SLC24A3: variants seen among roughly 807,000 people sequenced by gnomAD.
The protein encoded by SLC24A3 is solute carrier family 24 member 3.
Under a neutral mutation model 75.8 loss-of-function variants are expected in SLC24A3, and 28 were observed. The ratio of observed to expected loss-of-function variants is 0.37; its 90% CI spans 0.27 to 0.51. The LOEUF (loss-of-function observed/expected upper bound fraction) is 0.51, where lower values mean the gene tolerates loss of function less well. Ranked by LOEUF, SLC24A3 falls within the 20% of genes least tolerant of loss-of-function variation. The pLI is 0.94. For synonymous variants in SLC24A3, 372 were observed against 334.1 expected, an observed-to-expected ratio of 1.11 and a Z score of -1.24; for missense variants, 663 against 847.8, an observed-to-expected ratio of 0.78 and a Z score of 2.71.
chr20:19,376,369 G>A (rs1234431779), intron 2 of SLC24A3, among the ~76,000 whole-genome samples: 1 of 152,144 alleles, frequency 6.6e-6, no homozygotes, highest in Non-Finnish European at 1.5e-5. Flanking sequence ...TGGTTGTCCT[G>A]GTGAAGAACA....
At chr20:19,406,711 G>A (rs1416379239) in intron 2 of SLC24A3, among the ~76,000 whole-genome samples, 1 of 152,142 alleles carries the variant, frequency 6.6e-6, no homozygotes, top group African/African-American at 2.4e-5. Flanking sequence ...GGGACCTGGG[G>A]GTGCAGTAGA....
At chr20:19,602,177 A>G (rs1183832733) in intron 6 of SLC24A3, among the ~76,000 whole-genome samples, 2 of 152,016 alleles carry the variant, frequency 1.3e-5, no homozygotes, top group Admixed American at 6.5e-5. Flanking sequence ...TGTGTCTCAA[A>G]TAAATAAATA....
chr20:19,348,495 C>T (rs929163830), intron 2 of SLC24A3, among the ~76,000 whole-genome samples: 1 of 152,112 alleles, frequency 6.6e-6, no homozygotes, highest in Non-Finnish European at 1.5e-5. Flanking sequence ...CATATTCGGC[C>T]TCTCCCCCTA....
intron 2 of SLC24A3, among the ~76,000 whole-genome samples, chr20:19,340,531 A>C (rs1226291495): frequency 6.6e-6 from 1 of 152,206 alleles, no homozygotes; most frequent in African/African-American, 2.4e-5. Context: ...TGGTGTCGTG[A>C]TAAAAGGCGT....
intron 9 of SLC24A3, among the ~76,000 whole-genome samples, chr20:19,674,986 G>T (rs2032507423): frequency 6.6e-6 from 1 of 152,196 alleles, no homozygotes; most frequent in African/African-American, 2.4e-5. Flanking sequence ...GGAGGCAGAG[G>T]TTGCAATGAG....
chr20:19,675,825 G>A (rs1049586127), intron 9 of SLC24A3, among the ~76,000 whole-genome samples: 1 of 152,146 alleles, frequency 6.6e-6, no homozygotes, highest in African/African-American at 2.4e-5. Context: ...CCCATCTTAT[G>A]CCTCTTTGTC....
chr20:19,376,593 CAG>C (rs1424127147), intron 2 of SLC24A3, among the ~76,000 whole-genome samples: 1 of 152,004 alleles, frequency 6.6e-6, no homozygotes, highest in Non-Finnish European at 1.5e-5. Flanking sequence ...TTCCCAGAAC[CAG>C]AGTGTTCCAA....
At chr20:19,556,156 G>A (rs1401458649) in intron 3 of SLC24A3, among the ~76,000 whole-genome samples, 5 of 151,878 alleles carry the variant, frequency 3.3e-5, no homozygotes, top group Non-Finnish European at 7.4e-5. Flanking sequence ...CCTCCCAAAG[G>A]CCCCACCTCC....
At chr20:19,263,548 C>A (rs566898348) in intron 1 of SLC24A3, among the ~76,000 whole-genome samples, 4 of 152,204 alleles carry the variant, frequency 2.6e-5, no homozygotes, top group Non-Finnish European at 5.9e-5. Flanking sequence ...AAGCAAGCCT[C>A]CCCGTTTCTC....
intron 2 of SLC24A3, among the ~76,000 whole-genome samples, chr20:19,283,380 G>A (rs1173010514): frequency 6.6e-6 from 1 of 152,158 alleles, no homozygotes; most frequent in Non-Finnish European, 1.5e-5. Context: ...GACATTCAAT[G>A]GCAATTTCAA....
intron 3 of SLC24A3, among the ~76,000 whole-genome samples, chr20:19,516,022 G>A (rs927305561): frequency 6.6e-6 from 1 of 152,226 alleles, no homozygotes; most frequent in South Asian, 2.1e-4. Flanking sequence ...CAGGGACTTG[G>A]TTTTGTACAC....
At chr20:19,607,588 GC>G (rs2122659527) in intron 6 of SLC24A3, among the ~76,000 whole-genome samples, 1 of 152,272 alleles carries the variant, frequency 6.6e-6, no homozygotes, top group East Asian at 1.9e-4. Flanking sequence ...CTGTCACTCA[GC>G]CTTTAAGCCT....
chr20:19,631,083 C>A (rs1204956984), intron 6 of SLC24A3, among the ~76,000 whole-genome samples: 3 of 152,144 alleles, frequency 2.0e-5, no homozygotes, highest in African/African-American at 7.2e-5. Flanking sequence ...GTGGCTCATG[C>A]CTGTAATTGT....
chr20:19,312,161 C>T (rs1367722679), intron 2 of SLC24A3, among the ~76,000 whole-genome samples: 1 of 152,154 alleles, frequency 6.6e-6, no homozygotes, highest in East Asian at 1.9e-4. Flanking sequence ...GGGTGTCCCT[C>T]AGTGAGATCC....
intron 2 of SLC24A3, among the ~76,000 whole-genome samples, chr20:19,456,924 T>C (rs6035342): frequency 0.018 from 2,811 of 152,336 alleles, 84 homozygotes; most frequent in African/African-American, 0.064. Flanking sequence ...AAGATGATAC[T>C]GTGACTTTGT....
intron 2 of SLC24A3, among the ~76,000 whole-genome samples, chr20:19,398,573 T>C (rs1405500938): frequency 6.6e-6 from 1 of 152,182 alleles, no homozygotes; most frequent in East Asian, 1.9e-4. Flanking sequence ...TCTAATACCT[T>C]TTAGTCTACA....
intron 6 of SLC24A3, among the ~76,000 whole-genome samples, chr20:19,589,734 C>T (rs915778567): frequency 2.0e-4 from 30 of 152,042 alleles, no homozygotes; most frequent in African/African-American, 6.5e-4. Flanking sequence ...GCTTCTCTAA[C>T]GTTCAGGCAC....
chr20:19,451,384 G>C (rs1382731535), intron 2 of SLC24A3, among the ~76,000 whole-genome samples: 1 of 152,142 alleles, frequency 6.6e-6, no homozygotes, highest in Non-Finnish European at 1.5e-5. Context: ...ACAGTCCTTG[G>C]CCCCGGTGGG....
At chr20:19,411,416 A>C (rs554021134) in intron 2 of SLC24A3, among the ~76,000 whole-genome samples, 3 of 152,356 alleles carry the variant, frequency 2.0e-5, no homozygotes, top group Admixed American at 6.5e-5. Flanking sequence ...CAGTAAAGTC[A>C]ATATTTGGGA....
Sources: gnomAD v4.1 joint callset for allele counts (sites outside exome capture counted in the v4.1 genomes callset) on GRCh38, gnomAD v4.1.1 for gene constraint, MANE v1.5 for transcripts, NCBI Gene and HGNC (gene_info 2026-07-23, HGNC 2026-07-21) for gene names.